The following ZNF536 variants were observed in gnomAD, a reference collection of about 807,000 sequenced individuals.
ZNF536 encodes the protein zinc finger protein 536.
A neutral mutation model predicts 84.5 loss-of-function variants in ZNF536; 13 were observed. The ratio of observed to expected loss-of-function variants is 0.15; its 90% CI spans 0.10 to 0.24. ZNF536 has a LOEUF of 0.24. Among genes scored for constraint, ZNF536 ranks in the 10% least tolerant of loss-of-function variants. ZNF536 has a pLI of 1.00. For missense variants in ZNF536, 1,536 were observed against 1,747.5 expected (o/e 0.88, Z 2.16); for synonymous variants, 811 against 742.5 (o/e 1.09, Z -1.50).
chr19:30,704,834 T>C (rs1045079562), intron 1 of ZNF536, among the ~76,000 whole-genome samples: 2 of 151,744 alleles, frequency 1.3e-5, no homozygotes, highest in African/African-American at 2.4e-5. Flanking sequence ...TGTTGTTCCA[T>C]GGGCCCCTCT....
chr19:30,281,112 CTCCCACT>C (rs913406703), intron 1 of ZNF536, among the ~76,000 whole-genome samples: 25 of 152,242 alleles, frequency 1.6e-4, no homozygotes, highest in Middle Eastern at 3.4e-3. Context: ...TCTTCCTGTG[CTCCCACT>C]TCCCCTTTGA....
intron 2 of ZNF536, among the ~76,000 whole-genome samples, chr19:30,317,934 T>G (rs1198828608): frequency 2.0e-5 from 3 of 152,158 alleles, no homozygotes; most frequent in Non-Finnish European, 2.9e-5. Context: ...AATATTTGCT[T>G]TCTAGAAGCA....
chr19:30,423,871 A>T (rs931796571), intron 1 of ZNF536, among the ~76,000 whole-genome samples: 40 of 152,112 alleles, frequency 2.6e-4, no homozygotes, highest in African/African-American at 7.5e-4. Context: ...GTGGATAAGT[A>T]GTAATATGAT....
chr19:30,444,543 G>A lies in ZNF536; in HGVS notation c.981G>A (p.Glu327=), dbSNP rs2052222840. 2 of 1,613,362 alleles carry A rather than the reference G, an allele frequency of 1.2e-6. No homozygotes were observed. The highest frequency in any genetic ancestry group is 1.7e-6 in the Non-Finnish European group (2 of 1,179,916). ...TGGAGAAGGCACACATCACGGCCGA[G>A]TCGGCCCAGGGCCAGGGCCCCAACG... ...SHVEKAHITA[E]SAQGQGPNGG... The change falls in exon 2 of 5, where the codon GAG becomes GAA. Residue 327 remains glutamate (E), a synonymous_variant. Transcript: ENST00000355537.
At chr19:30,520,452 C>G (rs577311054) in intron 2 of ZNF536, among the ~76,000 whole-genome samples, 1 of 152,282 alleles carries the variant, frequency 6.6e-6, no homozygotes, top group Admixed American at 6.5e-5. Flanking sequence ...TTCTTTCTCC[C>G]TGTCATCCCA....
At chr19:30,634,425 T>C (rs911950956) in intron 1 of ZNF536, among the ~76,000 whole-genome samples, 3 of 152,060 alleles carry the variant, frequency 2.0e-5, no homozygotes, top group Non-Finnish European at 2.9e-5. Flanking sequence ...AAGCTTAAGA[T>C]ACCAGTCAGG....
upstream of ZNF536, among the ~76,000 whole-genome samples, chr19:30,226,336 T>C (rs911345684): frequency 6.6e-6 from 1 of 151,994 alleles, no homozygotes; most frequent in Non-Finnish European, 1.5e-5. The surrounding 1 kb of genome is among the most constrained non-coding windows in gnomAD (Gnocchi z 4.6). Flanking sequence ...GCTCTTTCTC[T>C]GGTCCGCGCT....
intron 1 of ZNF536, among the ~76,000 whole-genome samples, chr19:30,383,757 C>CT (rs145848886): frequency 0.57 from 49,922 of 87,066 alleles, 14,985 homozygotes; most frequent in African/African-American, 0.71. Context: ...TTCTTTCTTT[C>CT]TCTTTCTTTC....
At chr19:30,351,026 CTGAGAAGAAG>C (rs1489316414) in intron 2 of ZNF536, among the ~76,000 whole-genome samples, 2 of 152,140 alleles carry the variant, frequency 1.3e-5, no homozygotes, top group Non-Finnish European at 2.9e-5. Flanking sequence ...TAATGTCATT[CTGAGAAGAAG>C]TGGAAAAATA....
intron 1 of ZNF536, among the ~76,000 whole-genome samples, chr19:30,260,782 C>G (rs1045947870): frequency 6.6e-6 from 1 of 152,112 alleles, no homozygotes; most frequent in Non-Finnish European, 1.5e-5. Context: ...GCAGGAGAAG[C>G]AGGTACAAGC....
chr19:30,358,040 T>C (rs1001476541), intron 3 of ZNF536, among the ~76,000 whole-genome samples: 1 of 152,178 alleles, frequency 6.6e-6, no homozygotes, highest in African/African-American at 2.4e-5. Context: ...TGGGTCATCA[T>C]GCACGCAGGG....
chr19:30,711,780 G>T (rs753710539), exon 2 of ZNF536: 15 of 151,770 alleles, frequency 9.9e-5, no homozygotes, highest in Non-Finnish European at 1.8e-4. Context: ...AATTTTGGAT[G>T]AAGAAGGAAG....
rs181564451 is a variant in ZNF536 at position 30,357,729 on chromosome 19, C to T, written c.-3+5245C>T. ...GCCCTGGCATGAGCTTTCTGTGCAG[C>T]CCCGGGAGGCCTGAGCCTCCCAGCT... On this transcript the variant is annotated intron_variant, in intron 3 of 5. Coordinates refer to the ZNF536 transcript ENST00000585628. 3.3e-5 allele frequency among the ~76,000 whole-genome samples: 5 copies of T among 152,200 alleles called. No individual in the cohort carries two copies. In the East Asian group the frequency reaches 9.7e-4, roughly 30 times the overall value.
At chr19:30,624,092 G>T (rs1323343500) in intron 1 of ZNF536, among the ~76,000 whole-genome samples, 1 of 152,142 alleles carries the variant, frequency 6.6e-6, no homozygotes, top group Non-Finnish European at 1.5e-5. Flanking sequence ...GTATTGTGGG[G>T]TGTGTGGCAC....
At chr19:30,558,324 G>T (rs2146390319), downstream of ZNF536, among the ~76,000 whole-genome samples, 1 of 152,286 alleles carries the variant, frequency 6.6e-6, no homozygotes, top group Admixed American at 6.5e-5. Flanking sequence ...GGCGACACGG[G>T]CCCGTTTCTC....
At position 30,444,213 on chromosome 19, in the gene ZNF536, G is replaced by C. The variant is rs2148174017; in HGVS notation, c.651G>C (p.Leu217=). Residue 217 remains leucine (L), a synonymous_variant, in exon 2 of 5, where the codon CTG becomes CTC. Transcript: ENST00000355537. The part of the protein sequence containing the change: ...ILRDKQLKGS[L]LQPRPDLKPP... ...GGGACAAGCAGCTGAAAGGCAGCCT[G>C]CTGCAGCCCCGGCCGGACCTGAAGC... 1 of 1,548,834 alleles carries C rather than the reference G, an allele frequency of 6.5e-7. No homozygotes were observed. The highest frequency in any genetic ancestry group is 8.7e-7 in the Non-Finnish European group (1 of 1,152,030).
At chr19:30,683,398 A>G (rs2051051300) in intron 1 of ZNF536, among the ~76,000 whole-genome samples, 1 of 152,208 alleles carries the variant, frequency 6.6e-6, no homozygotes, top group African/African-American at 2.4e-5. Flanking sequence ...ATATCCTCCC[A>G]AATAATTTGT....
intron 1 of ZNF536, among the ~76,000 whole-genome samples, chr19:30,666,430 C>T (rs2050321869): frequency 6.6e-6 from 1 of 152,162 alleles, no homozygotes; most frequent in African/African-American, 2.4e-5. Context: ...TCTCTTTTCT[C>T]CCCTCTCCTC....
chr19:30,608,620 T>C (rs2047980822), intron 1 of ZNF536, among the ~76,000 whole-genome samples: 1 of 152,154 alleles, frequency 6.6e-6, no homozygotes, highest in South Asian at 2.1e-4. Flanking sequence ...GACACTGGTG[T>C]AGTGCACAGT....
Sources: gnomAD v4.1 joint callset for allele counts (sites outside exome capture counted in the v4.1 genomes callset) on GRCh38, gnomAD v4.1.1 for gene constraint, Gnocchi (gnomAD v3.1) non-coding constraint, MANE v1.5 for transcripts, NCBI Gene and HGNC (gene_info 2026-07-23, HGNC 2026-07-21) for gene names.